The following BNC2 variants were observed in gnomAD, a reference collection of about 807,000 sequenced individuals.
BNC2 encodes the protein zinc finger protein basonuclin-2.
A neutral mutation model predicts 76.3 loss-of-function variants in BNC2; 20 were observed. The ratio of observed to expected loss-of-function variants is 0.26; its 90% CI spans 0.18 to 0.38. BNC2 has a LOEUF of 0.38. BNC2 is among the 10% of genes least tolerant of loss of function. The probability of loss-of-function intolerance (pLI) is 1.00; values close to 1 mark genes in which losing one functional copy is unlikely to be tolerated. For synonymous variants in BNC2, 582 were observed against 514.8 expected, an observed-to-expected ratio of 1.13 and a Z score of -1.77; for missense variants, 1,382 against 1,399.8, an observed-to-expected ratio of 0.99 and a Z score of 0.20.
chr9:16,449,752 T>C (rs1458077993), intron 5 of BNC2, among the ~76,000 whole-genome samples: 5 of 146,750 alleles, frequency 3.4e-5, no homozygotes, highest in Admixed American at 1.5e-4. Flanking sequence ...TCAGAGCTGA[T>C]AGCTTGGAAT....
At chr9:16,608,004 C>T (rs979431585) in intron 3 of BNC2, among the ~76,000 whole-genome samples, 13 of 152,272 alleles carry the variant, frequency 8.5e-5, no homozygotes, top group African/African-American at 2.4e-4. Flanking sequence ...GCATCAGTCA[C>T]ACTGCCAGAA....
chr9:16,409,753 C>G lies in BNC2; in HGVS notation c.*9236G>C, dbSNP rs1393090859. ...AAACAGAACAAAACAAAAATAAAAC[C>G]CTTGTTCAAGGTACATACAGTATTT... On this transcript the variant is annotated 3_prime_UTR_variant, in exon 7 of 7. Transcript: ENST00000380672. The G allele has an allele frequency of 3.3e-5, 5 of 152,418 alleles. No individual in the cohort carries two copies. The highest frequency in any genetic ancestry group is 1.3e-4 in the Admixed American group (2 of 15,256). 9.4% of individuals were successfully genotyped at this position (152,418 alleles called of 1,614,324 possible).
At chr9:16,740,635 G>A (rs1416446949) in intron 1 of BNC2, among the ~76,000 whole-genome samples, 5 of 152,112 alleles carry the variant, frequency 3.3e-5, no homozygotes, top group Admixed American at 2.6e-4. Context: ...TAAGAGAAAC[G>A]TGGTCTGAAA....
chr9:16,759,787 C>A (rs1468004364), intron 1 of BNC2, among the ~76,000 whole-genome samples: 3 of 151,242 alleles, frequency 2.0e-5, no homozygotes, highest in African/African-American at 7.3e-5. Context: ...GTAGTGGCAC[C>A]ATCCCGGCTC....
At chr9:16,680,030 C>A (rs1822776364) in intron 3 of BNC2, among the ~76,000 whole-genome samples, 1 of 152,212 alleles carries the variant, frequency 6.6e-6, no homozygotes, top group African/African-American at 2.4e-5. Context: ...ACCCCTCCAT[C>A]ATGATCTTCA....
At chr9:16,556,722 C>G (rs1372351926) in intron 4 of BNC2, among the ~76,000 whole-genome samples, 2 of 150,448 alleles carry the variant, frequency 1.3e-5, no homozygotes, top group African/African-American at 4.9e-5. Context: ...GAGCCAAGAT[C>G]ATGCCACTGC....
chr9:16,721,401 T>C (rs1164678746), intron 3 of BNC2, among the ~76,000 whole-genome samples: 1 of 152,146 alleles, frequency 6.6e-6, no homozygotes, highest in African/African-American at 2.4e-5. Flanking sequence ...TCCAGGGTCC[T>C]TACAGTAGAT....
At chr9:16,626,930 C>T (rs146414729) in intron 3 of BNC2, among the ~76,000 whole-genome samples, 75 of 152,198 alleles carry the variant, frequency 4.9e-4, no homozygotes, top group African/African-American at 1.5e-3. Flanking sequence ...TAATACCTGC[C>T]GCTTGTTTAC....
intron 3 of BNC2, among the ~76,000 whole-genome samples, chr9:16,725,985 AACACACACACACACACGC>A (rs1354801561): frequency 1.4e-5 from 2 of 142,304 alleles, no homozygotes; most frequent in African/African-American, 5.4e-5. Context: ...CTTCCCTTCT[AACACACACACACACACGC>A]ACACACACAC....
chr9:16,668,438 G>A (rs779982882), intron 3 of BNC2, among the ~76,000 whole-genome samples: 7 of 152,114 alleles, frequency 4.6e-5, no homozygotes, highest in Non-Finnish European at 7.3e-5. Context: ...GTCATTCTCC[G>A]ATATGATCTC....
intron 3 of BNC2, among the ~76,000 whole-genome samples, chr9:16,679,766 T>A (rs1452054235): frequency 1.3e-5 from 2 of 152,204 alleles, no homozygotes; most frequent in East Asian, 3.9e-4. Flanking sequence ...AACCAGCAAA[T>A]GCATTAGCAA....
At chr9:16,629,289 TTG>T (rs1395019317) in intron 3 of BNC2, among the ~76,000 whole-genome samples, 35 of 152,324 alleles carry the variant, frequency 2.3e-4, no homozygotes, top group African/African-American at 8.4e-4. Flanking sequence ...TACACCATAG[TTG>T]TGTGAATAAT....
intron 5 of BNC2, among the ~76,000 whole-genome samples, chr9:16,529,993 A>G (rs913172219): frequency 5.3e-5 from 8 of 152,076 alleles, no homozygotes; most frequent in South Asian, 2.1e-4. Context: ...GATTACAGGT[A>G]CGGACCACCA....
At chr9:16,849,182 G>A (rs1029782217) in intron 1 of BNC2, among the ~76,000 whole-genome samples, 4 of 151,814 alleles carry the variant, frequency 2.6e-5, no homozygotes, top group Non-Finnish European at 5.9e-5. Flanking sequence ...AGCTTTCCTG[G>A]AGTCAAATTT....
chr9:16,635,089 T>C (rs560443034), intron 3 of BNC2, among the ~76,000 whole-genome samples: 1 of 152,350 alleles, frequency 6.6e-6, no homozygotes, highest in African/African-American at 2.4e-5. Flanking sequence ...GGGGTATCTT[T>C]TGCAGTTTCT....
At chr9:16,823,853 T>C (rs1055927517) in intron 1 of BNC2, among the ~76,000 whole-genome samples, 3 of 152,182 alleles carry the variant, frequency 2.0e-5, no homozygotes, top group African/African-American at 4.8e-5. Flanking sequence ...AAGGTCTTTT[T>C]CCTTCTCTGT....
chr9:16,558,861 G>C (rs571017203), intron 4 of BNC2, among the ~76,000 whole-genome samples: 28 of 151,128 alleles, frequency 1.9e-4, no homozygotes, highest in Middle Eastern at 3.4e-3. Flanking sequence ...TTGAACCCGG[G>C]AAGCAGAGGT....
chr9:16,654,999 C>G (rs1227198001), intron 3 of BNC2, among the ~76,000 whole-genome samples: 1 of 152,024 alleles, frequency 6.6e-6, no homozygotes, highest in Non-Finnish European at 1.5e-5. Flanking sequence ...CAGCCATGTA[C>G]TTCAGAAATG....
chr9:16,796,749 G>A (rs891263105), intron 1 of BNC2, among the ~76,000 whole-genome samples: 5 of 152,064 alleles, frequency 3.3e-5, no homozygotes, highest in South Asian at 4.2e-4. Context: ...GAGTAGAATC[G>A]TATTTGACAA....
Sources: allele counts gnomAD v4.1 joint callset (sites outside exome capture counted in the v4.1 genomes callset), GRCh38; gene constraint gnomAD v4.1.1; transcripts MANE v1.5; gene names NCBI Gene and HGNC (gene_info 2026-07-23, HGNC 2026-07-21).